GPC5: variants seen among roughly 807,000 people sequenced by gnomAD.
The protein encoded by GPC5 is glypican 5.
A neutral mutation model predicts 53.9 loss-of-function variants in GPC5; 47 were observed. The ratio of observed to expected loss-of-function variants is 0.87; its 90% CI spans 0.69 to 1.11. The LOEUF (loss-of-function observed/expected upper bound fraction) is 1.11. Among genes scored for constraint, GPC5 ranks in the 50% most tolerant of loss-of-function variants. The probability of loss-of-function intolerance (pLI) is 0.00; values close to 1 mark genes in which losing one functional copy is unlikely to be tolerated. For missense variants in GPC5, 748 were observed against 713.1 expected (o/e 1.05, Z -0.56); for synonymous variants, 286 against 263.3 (o/e 1.09, Z -0.84).
chr13:92,549,778 G>A (rs1882244289), intron 7 of GPC5, among the ~76,000 whole-genome samples: 1 of 151,630 alleles, frequency 6.6e-6, no homozygotes, highest in Non-Finnish European at 1.5e-5. Flanking sequence ...TTTCTCATTT[G>A]ACTTTCTGAT....
chr13:91,698,847 CA>C (rs1296970351), intron 3 of GPC5, among the ~76,000 whole-genome samples: 2 of 152,290 alleles, frequency 1.3e-5, no homozygotes, highest in East Asian at 3.9e-4. Flanking sequence ...CAGAGTGCAT[CA>C]CCTTCTCGTG....
intron 7 of GPC5, among the ~76,000 whole-genome samples, chr13:92,570,485 G>T (rs1882990383): frequency 6.6e-6 from 1 of 151,974 alleles, no homozygotes; most frequent in Non-Finnish European, 1.5e-5. Context: ...AAATATTTTA[G>T]TAACATAAAA....
rs975375130 is a variant in GPC5 at position 91,399,003 on chromosome 13, C to G, written c.-44C>G. 1 of 1,532,456 alleles carries G rather than the reference C, an allele frequency of 6.5e-7. No homozygotes were observed. Among genetic ancestry groups the G allele is most frequent in the Non-Finnish European group, 8.8e-7 (1 of 1,135,310 alleles). The allele number at this position is 1,532,456 out of a possible 1,614,324, so 94.9% of individuals were successfully genotyped here. A position where few individuals can be genotyped will look rare whatever the true frequency, so the allele number is the denominator to read the frequency against. On this transcript the variant is annotated 5_prime_UTR_variant, in exon 1 of 8. Coordinates refer to ENST00000377067, the MANE Select transcript of GPC5 (RefSeq NM_004466.6). ...TGCAGCTCAGCCAGGGCGCGCAGGGCGAGTGGGGTCCACTGGCGGGTAAAG... is the reference window on the plus strand; with the variant it reads ...TGCAGCTCAGCCAGGGCGCGCAGGGGGAGTGGGGTCCACTGGCGGGTAAAG...
At chr13:92,103,961 T>A (rs2041486914) in intron 6 of GPC5, among the ~76,000 whole-genome samples, 1 of 152,156 alleles carries the variant, frequency 6.6e-6, no homozygotes, top group South Asian at 2.1e-4. Flanking sequence ...AAGGTCAACT[T>A]TTTGTTTGCC....
intron 7 of GPC5, among the ~76,000 whole-genome samples, chr13:92,325,354 A>G (rs928252399): frequency 6.6e-6 from 1 of 152,068 alleles, no homozygotes; most frequent in Non-Finnish European, 1.5e-5. Context: ...GGAGATTGTA[A>G]TATCATTGAC....
chr13:92,800,816 T>C (rs892220911), intron 7 of GPC5, among the ~76,000 whole-genome samples: 1 of 151,750 alleles, frequency 6.6e-6, no homozygotes, highest in Non-Finnish European at 1.5e-5. Context: ...TACCTTAGGG[T>C]GTTGTTTGTT....
Position 91,507,511 on chromosome 13 carries a change from C to A in GPC5, c.325+58589C>A, listed in dbSNP as rs529866424. 3.2e-4 allele frequency among the ~76,000 whole-genome samples: 49 copies of A among 152,244 alleles called. No homozygotes were observed. In the East Asian group the frequency reaches 8.5e-3, roughly 26 times the overall value. On this transcript the variant is annotated intron_variant, in intron 2 of 7. Coordinates refer to ENST00000377067, the MANE Select transcript of GPC5 (RefSeq NM_004466.6). ...TGCAGAGAAACTCCCATTTTTAAAA[C>A]CATCAGATCTTGTGAGACCCATTCA...
intron 7 of GPC5, among the ~76,000 whole-genome samples, chr13:92,794,580 G>T (rs1876588084): frequency 6.6e-6 from 1 of 152,136 alleles, no homozygotes; most frequent in Admixed American, 6.6e-5. Flanking sequence ...CTTAGGAAAA[G>T]AGAAAGTCAA....
chr13:92,376,961 G>A (rs1200848385), intron 7 of GPC5, among the ~76,000 whole-genome samples: 2 of 151,854 alleles, frequency 1.3e-5, no homozygotes, highest in African/African-American at 2.4e-5. Context: ...GTTGCAGTGA[G>A]CCGACATCGT....
chr13:91,571,247 A>T (rs141297182), intron 2 of GPC5, among the ~76,000 whole-genome samples: 1 of 152,306 alleles, frequency 6.6e-6, no homozygotes, highest in African/African-American at 2.4e-5. Flanking sequence ...ATTTGGAGAT[A>T]AACATTTCTG....
intron 7 of GPC5, among the ~76,000 whole-genome samples, chr13:92,516,665 C>A (rs748575790): frequency 1.3e-5 from 2 of 152,134 alleles, no homozygotes; most frequent in Non-Finnish European, 1.5e-5. Flanking sequence ...TAATTATCAT[C>A]TATATATTCA....
intron 7 of GPC5, among the ~76,000 whole-genome samples, chr13:92,254,144 T>G (rs2042710974): frequency 6.6e-6 from 1 of 152,078 alleles, no homozygotes; most frequent in African/African-American, 2.4e-5. Context: ...AAAAATTGAA[T>G]GTCACTCTAC....
At chr13:91,594,281 C>G (rs1013525712) in intron 2 of GPC5, among the ~76,000 whole-genome samples, 1 of 152,136 alleles carries the variant, frequency 6.6e-6, no homozygotes, top group Non-Finnish European at 1.5e-5. Flanking sequence ...AAAAAAGAGG[C>G]CTTCGAAGGC....
rs563328931 is a variant in GPC5 at position 91,952,467 on chromosome 13, C to T, written c.1401+44410C>T. On this transcript the variant is annotated intron_variant, in intron 6 of 7. Coordinates refer to ENST00000377067, the MANE Select transcript of GPC5 (RefSeq NM_004466.6). ...AAATCAAAAGTTCTTCAGAACATGGCCCTGCTCTCACAAATCCATATTGGC... is the reference window on the plus strand; with the variant it reads ...AAATCAAAAGTTCTTCAGAACATGGTCCTGCTCTCACAAATCCATATTGGC... Among the ~76,000 whole-genome samples, 7 of 152,218 alleles carry T rather than the reference C, an allele frequency of 4.6e-5. No homozygotes were observed. The South Asian group carries it at 1.5e-3, about 32-fold the overall frequency.
In GPC5 at chr13:92,279,143, T is replaced by C. The variant is rs201011844; in HGVS notation, c.1561+134154T>C. ...TGTTCTATTAACAATAATAAGTATT[T>C]TGATTACCAATACAGGCTATATTTC... is the stretch of plus-strand genomic sequence containing the variant. On this transcript the variant is annotated intron_variant, in intron 7 of 7. Transcript: ENST00000377067. 3.3e-5 allele frequency among the ~76,000 whole-genome samples: 5 copies of C among 152,186 alleles called. No individual in the cohort carries two copies. The East Asian group carries it at 9.6e-4, about 29-fold the overall frequency.
chr13:92,752,396 G>T (rs1889428470), intron 7 of GPC5, among the ~76,000 whole-genome samples: 1 of 152,190 alleles, frequency 6.6e-6, no homozygotes. Context: ...TGCTTGTAGA[G>T]ACAATGGAAA....
chr13:91,480,528 C>T (rs1025023732), intron 2 of GPC5, among the ~76,000 whole-genome samples: 2 of 152,194 alleles, frequency 1.3e-5, no homozygotes, highest in African/African-American at 2.4e-5. Flanking sequence ...CTAAAAGGCT[C>T]TTTTGTAAAA....
chr13:91,866,013 A>C (rs902098675), intron 5 of GPC5, among the ~76,000 whole-genome samples: 1 of 152,114 alleles, frequency 6.6e-6, no homozygotes, highest in Non-Finnish European at 1.5e-5. Context: ...GATTATAGGC[A>C]TGTGCCACCA....
chr13:91,504,801 A>C (rs1446231079), intron 2 of GPC5, among the ~76,000 whole-genome samples: 1 of 152,012 alleles, frequency 6.6e-6, no homozygotes, highest in Non-Finnish European at 1.5e-5. Context: ...TAAAAAAAAA[A>C]TAATTAGCTG....
Sources: allele counts gnomAD v4.1 joint callset (sites outside exome capture counted in the v4.1 genomes callset), GRCh38; gene constraint gnomAD v4.1.1; transcripts MANE v1.5; gene names NCBI Gene and HGNC (gene_info 2026-07-23, HGNC 2026-07-21).